RNLS: variants seen among roughly 807,000 people sequenced by gnomAD.
The protein encoded by RNLS is renalase, FAD dependent amine oxidase.
A neutral mutation model predicts 39.8 loss-of-function variants in RNLS; 39 were observed. The ratio of observed to expected loss-of-function variants is 0.98; its 90% CI spans 0.76 to 1.28. The LOEUF (loss-of-function observed/expected upper bound fraction) is 1.28. RNLS is among the 50% of genes most tolerant of loss of function. The pLI is 0.00. For synonymous variants in RNLS, 147 were observed against 150.7 expected (o/e 0.98, Z 0.18); for missense variants, 410 against 413.3 (o/e 0.99, Z 0.07).
the RNLS span, among the ~76,000 whole-genome samples, chr10:88,252,977 G>A: frequency 1.3e-5 from 2 of 152,178 alleles, no homozygotes; most frequent in Non-Finnish European, 2.9e-5. Context: ...AGAAGGGAAT[G>A]GGCTCTGACA....
At chr10:88,444,577 A>C (rs1306600995) in intron 4 of RNLS, among the ~76,000 whole-genome samples, 2 of 152,204 alleles carry the variant, frequency 1.3e-5, no homozygotes, top group African/African-American at 4.8e-5. Context: ...CCTTGAAAAA[A>C]AATTAGACGA....
intron 4 of RNLS, among the ~76,000 whole-genome samples, chr10:88,568,733 G>A (rs962060915): frequency 1.3e-5 from 2 of 152,160 alleles, no homozygotes; most frequent in African/African-American, 4.8e-5. Context: ...ACAGGCTGAT[G>A]CTTTATGACA....
chr10:88,248,186 G>A, the RNLS span, among the ~76,000 whole-genome samples: 18 of 152,296 alleles, frequency 1.2e-4, no homozygotes, highest in South Asian at 2.1e-4. Context: ...CTTTTGTGAT[G>A]AGCAAGTTCA....
intron 4 of RNLS, among the ~76,000 whole-genome samples, chr10:88,549,723 C>A (rs1408721079): frequency 6.6e-6 from 1 of 152,164 alleles, no homozygotes; most frequent in Non-Finnish European, 1.5e-5. Context: ...ACACTATCAG[C>A]AAATGCTTGG....
chr10:88,456,215 A>AG lies in RNLS; in HGVS notation c.527-93491_527-93490insC, dbSNP rs751770546. Among the ~76,000 whole-genome samples, 13 of 152,304 alleles carry AG rather than the reference A, an allele frequency of 8.5e-5. No individual in the cohort carries two copies. The Middle Eastern group carries it at 0.01, about 120-fold the overall frequency. On this transcript the variant is annotated intron_variant, in intron 4 of 6. Coordinates refer to ENST00000331772, the MANE Select transcript of RNLS (RefSeq NM_001031709.3). ...ACTCCAAAGTATCTAAGAAGGTTGAATAAACACCCAAAGCTTTAGCAAAAC... is the reference window on the plus strand; with the variant it reads ...ACTCCAAAGTATCTAAGAAGGTTGAAGTAAACACCCAAAGCTTTAGCAAAAC...
intron 4 of RNLS, among the ~76,000 whole-genome samples, chr10:88,546,253 C>G (rs1015497881): frequency 6.6e-6 from 1 of 151,780 alleles, no homozygotes; most frequent in Non-Finnish European, 1.5e-5. Flanking sequence ...ATATATAGCT[C>G]CATATTCAAT....
At chr10:88,339,447 T>C (rs1468241430) in intron 5 of RNLS, among the ~76,000 whole-genome samples, 1 of 152,164 alleles carries the variant, frequency 6.6e-6, no homozygotes, top group Non-Finnish European at 1.5e-5. Context: ...TTTTTTACTT[T>C]TATCAAAAAA....
At chr10:88,396,575 A>G (rs1266672583) in intron 4 of RNLS, among the ~76,000 whole-genome samples, 2 of 151,562 alleles carry the variant, frequency 1.3e-5, no homozygotes, top group Non-Finnish European at 1.5e-5. Flanking sequence ...GAAATAGGGG[A>G]ATAAAAAATG....
At chr10:88,410,911 G>C (rs1047460814) in intron 4 of RNLS, among the ~76,000 whole-genome samples, 7 of 152,142 alleles carry the variant, frequency 4.6e-5, no homozygotes, top group African/African-American at 1.7e-4. Context: ...TGTGTATTGA[G>C]GTACTTCAAG....
chr10:88,196,067 G>A, the RNLS span, among the ~76,000 whole-genome samples: 3 of 151,962 alleles, frequency 2.0e-5, no homozygotes, highest in Non-Finnish European at 4.4e-5. Flanking sequence ...TGAGACCCAA[G>A]TGCAAAGGTT....
Position 88,581,294 on chromosome 10 carries a change from G to GTATATA in RNLS, c.367+267_367+272dup, listed in dbSNP as rs61477690. Among the ~76,000 whole-genome samples the GTATATA allele has an allele frequency of 4.8e-3, 618 of 129,848 alleles. 5 individuals are homozygous for GTATATA. The Middle Eastern group carries it at 0.065, about 14-fold the overall frequency. The allele number at this position is 129,848 out of a possible 152,430, so 85.2% of individuals were successfully genotyped here. On this transcript the variant is annotated intron_variant, in intron 3 of 6. Coordinates refer to ENST00000331772, the MANE Select transcript of RNLS (RefSeq NM_001031709.3). ...AATATATATGTATGTGTGTGTGTGT[G>GTATATA]TATATATATATATATATATATACAT...
rs182412474 is a variant in RNLS at position 88,315,442 on chromosome 10, T to G, written c.701-801A>C. Among the ~76,000 whole-genome samples, 432 of 152,318 alleles carry G rather than the reference T, an allele frequency of 2.8e-3. 1 individual carries two copies. The highest frequency in any genetic ancestry group is 0.01 in the Middle Eastern group (3 of 294). On this transcript the variant is annotated intron_variant, in intron 5 of 6. Transcript: ENST00000331772. Reference sequence around the variant, plus strand: ...AGAATGTTAACAAGAATTTGTCTGCTATTATTTGTTTGAATCATGCAGAAG... The same window carrying G: ...AGAATGTTAACAAGAATTTGTCTGCGATTATTTGTTTGAATCATGCAGAAG...
At chr10:88,214,231 AT>A in the RNLS span, among the ~76,000 whole-genome samples, 10,639 of 152,118 alleles carry the variant, frequency 0.07, 474 homozygotes, top group Non-Finnish European at 0.098. Context: ...ATTGGCTAGA[AT>A]TTTTTTCACA....
At chr10:88,566,340 C>A (rs1849502450) in intron 4 of RNLS, among the ~76,000 whole-genome samples, 1 of 152,034 alleles carries the variant, frequency 6.6e-6, no homozygotes, top group Non-Finnish European at 1.5e-5. Flanking sequence ...GTTCTGAGAA[C>A]ACATACCTTA....
At chr10:88,196,402 G>A in the RNLS span, among the ~76,000 whole-genome samples, 7 of 152,284 alleles carry the variant, frequency 4.6e-5, no homozygotes, top group Admixed American at 3.3e-4. Context: ...ATCAGAAAAT[G>A]TCTTTGGTAG....
chr10:88,521,261 T>G (rs760427533), intron 4 of RNLS, among the ~76,000 whole-genome samples: 3 of 152,060 alleles, frequency 2.0e-5, no homozygotes, highest in Non-Finnish European at 4.4e-5. Flanking sequence ...GCTATGTTTG[T>G]TTCCCTGATA....
intron 4 of RNLS, among the ~76,000 whole-genome samples, chr10:88,366,663 G>GAAAAAAAAAAAAAAAAAAAAAAAA (rs774157650): frequency 3.9e-5 from 1 of 25,832 alleles, no homozygotes; most frequent in African/African-American, 1.6e-4. Flanking sequence ...TAAGTTTTCT[G>GAAAAAAAAAAAAAAAAAAAAAAAA]AAAAAAAAAA....
intron 6 of RNLS, among the ~76,000 whole-genome samples, chr10:88,305,951 A>G (rs570034652): frequency 6.6e-5 from 10 of 152,338 alleles, no homozygotes; most frequent in African/African-American, 1.9e-4. Flanking sequence ...CAGCAAATGC[A>G]AAAGAACTGA....
intron 4 of RNLS, among the ~76,000 whole-genome samples, chr10:88,519,723 T>C (rs904676537): frequency 1.4e-5 from 2 of 142,354 alleles, no homozygotes; most frequent in South Asian, 2.2e-4. Flanking sequence ...CACATATATA[T>C]GATATATATC....
Sources: gnomAD v4.1 joint callset for allele counts (sites outside exome capture counted in the v4.1 genomes callset) on GRCh38, gnomAD v4.1.1 for gene constraint, MANE v1.5 for transcripts, NCBI Gene and HGNC (gene_info 2026-07-23, HGNC 2026-07-21) for gene names.